KAZN: variants seen among roughly 807,000 people sequenced by gnomAD.
The protein encoded by KAZN is kazrin, periplakin interacting protein.
In KAZN, 40 loss-of-function variants were observed where a neutral mutation model predicts 87.4. That is an observed-to-expected ratio of 0.46 (90% confidence interval 0.36 to 0.60). The LOEUF (loss-of-function observed/expected upper bound fraction) is 0.60. Among genes scored for constraint, KAZN ranks in the 20% least tolerant of loss-of-function variants. The probability of loss-of-function intolerance (pLI) is 0.00; values close to 1 mark genes in which losing one functional copy is unlikely to be tolerated. For missense variants in KAZN, 898 were observed against 1,073.9 expected (o/e 0.84, Z 2.29); for synonymous variants, 466 against 458.3 (o/e 1.02, Z -0.22).
chr1:14,026,809 A>G (rs553787349), intron 1 of KAZN, among the ~76,000 whole-genome samples: 1 of 152,310 alleles, frequency 6.6e-6, no homozygotes, highest in Admixed American at 6.5e-5. Flanking sequence ...CCAGGAGGGA[A>G]GCAGATGAAG....
At chr1:14,325,198 C>T (rs1198860518) in intron 2 of KAZN, among the ~76,000 whole-genome samples, 1 of 152,136 alleles carries the variant, frequency 6.6e-6, no homozygotes, top group African/African-American at 2.4e-5. Context: ...TCTTTTTCAC[C>T]TCGGATATTC....
chr1:14,591,371 G>A (rs965014934), intron 2 of KAZN, among the ~76,000 whole-genome samples: 6 of 151,224 alleles, frequency 4.0e-5, no homozygotes, highest in African/African-American at 1.5e-4. Flanking sequence ...CGAGAACCCA[G>A]GCCAGCACAC....
At chr1:14,240,411 A>C (rs1648836074) in intron 2 of KAZN, among the ~76,000 whole-genome samples, 1 of 152,212 alleles carries the variant, frequency 6.6e-6, no homozygotes, top group East Asian at 1.9e-4. Flanking sequence ...TTGCAGTAGG[A>C]CAGCACCTGG....
chr1:14,485,809 C>T (rs1669321873), intron 2 of KAZN, among the ~76,000 whole-genome samples: 2 of 151,054 alleles, frequency 1.3e-5, no homozygotes, highest in South Asian at 4.2e-4. Flanking sequence ...AGGAGAATCA[C>T]TTGAACCCCA....
chr1:14,245,630 C>T (rs987816053), intron 2 of KAZN, among the ~76,000 whole-genome samples: 2 of 152,146 alleles, frequency 1.3e-5, no homozygotes, highest in Non-Finnish European at 2.9e-5. Context: ...TGTTAGGTCA[C>T]AGTCTATAAG....
At chr1:13,985,657 T>A (rs1427297444) in intron 1 of KAZN, among the ~76,000 whole-genome samples, 1 of 151,926 alleles carries the variant, frequency 6.6e-6, no homozygotes, top group Non-Finnish European at 1.5e-5. Context: ...AAAAACCCTG[T>A]ACCTGTTAAC....
At chr1:14,087,295 G>C (rs371783889) in intron 1 of KAZN, among the ~76,000 whole-genome samples, 1 of 151,970 alleles carries the variant, frequency 6.6e-6, no homozygotes, top group Non-Finnish European at 1.5e-5. Context: ...ACAAATTATT[G>C]TTGTATAGTG....
At chr1:14,427,637 AC>A (rs1557714353) in intron 2 of KAZN, among the ~76,000 whole-genome samples, 10 of 120,292 alleles carry the variant, frequency 8.3e-5, no homozygotes, top group African/African-American at 3.4e-4. Context: ...ATATGTGCAC[AC>A]ATGTTAGTAA....
chr1:14,098,411 A>G (rs1644176566), intron 1 of KAZN, among the ~76,000 whole-genome samples: 1 of 152,124 alleles, frequency 6.6e-6, no homozygotes, highest in African/African-American at 2.4e-5. Flanking sequence ...AGTTGAATTA[A>G]CCTATGCAGC....
chr1:15,099,875 G>A lies in KAZN; in HGVS notation c.1548-1668G>A, dbSNP rs934227071. Among the ~76,000 whole-genome samples, 1 of 152,178 alleles carries A rather than the reference G, an allele frequency of 6.6e-6. No homozygotes were observed. Among genetic ancestry groups the A allele is most frequent in the South Asian group, 2.1e-4 (1 of 4,824 alleles). ...AGCTTAGAGCTGGGAAAGGAGAGAA[G>A]TGGACAGAGGATGCACTGACCAGAG... On this transcript the variant is annotated intron_variant, in intron 10 of 14. Coordinates refer to ENST00000376030, the MANE Select transcript of KAZN (RefSeq NM_201628.3). The surrounding 1 kb of genome is among the most constrained non-coding windows in gnomAD (Gnocchi z 5.4).
intron 1 of KAZN, chr1:14,930,105 C>G (rs12025771): frequency 0.11 from 106,882 of 983,426 alleles, 6,590 homozygotes; most frequent in East Asian, 0.28. Context: ...CTGGCCTAAG[C>G]AGCGGGGAGC....
intron 1 of KAZN, among the ~76,000 whole-genome samples, chr1:14,959,443 G>A (rs1663571409): frequency 6.6e-6 from 1 of 152,098 alleles, no homozygotes; most frequent in Non-Finnish European, 1.5e-5. Context: ...AGAGGATGTA[G>A]GCAGAGGCCT....
chr1:14,411,710 G>A (rs183576111), intron 2 of KAZN, among the ~76,000 whole-genome samples: 1 of 152,208 alleles, frequency 6.6e-6, no homozygotes, highest in Admixed American at 6.5e-5. Flanking sequence ...TGAGGTACAG[G>A]AAGAAATATT....
chr1:14,267,489 T>TA lies in KAZN; in HGVS notation c.249+86900dup, dbSNP rs200808138. On this transcript the variant is annotated intron_variant, in intron 2 of 16. Coordinates refer to the KAZN transcript ENST00000636203. ...GGCCAAGGATTGGACAAGTTTGACT[T>TA]AAAGTACATGGGAGGATGTTCCTTG... Among the ~76,000 whole-genome samples, 574 of 152,246 alleles carry TA rather than the reference T, an allele frequency of 3.8e-3. 9 individuals carry two copies. Among genetic ancestry groups the TA allele is most frequent in the African/African-American group, 0.013 (537 of 41,542 alleles).
chr1:14,908,997 C>A (rs977713316), intron 1 of KAZN, among the ~76,000 whole-genome samples: 4 of 152,090 alleles, frequency 2.6e-5, no homozygotes, highest in African/African-American at 7.2e-5. Flanking sequence ...AAAAAAAGAG[C>A]ATGTGGACTG....
intron 1 of KAZN, among the ~76,000 whole-genome samples, chr1:14,766,940 G>C (rs189432353): frequency 3.9e-4 from 59 of 152,066 alleles, no homozygotes; most frequent in South Asian, 1.9e-3. Flanking sequence ...AAATATATGT[G>C]GTCTAGGGGA....
chr1:14,717,981 C>T (rs935690801), intron 1 of KAZN, among the ~76,000 whole-genome samples: 1 of 152,236 alleles, frequency 6.6e-6, no homozygotes, highest in Non-Finnish European at 1.5e-5. Flanking sequence ...TGGTCAGAGG[C>T]CATCAAGAGG....
chr1:14,954,307 C>T (rs1412201954), intron 1 of KAZN, among the ~76,000 whole-genome samples: 1 of 152,216 alleles, frequency 6.6e-6, no homozygotes, highest in African/African-American at 2.4e-5. Flanking sequence ...GGTTCCCCAG[C>T]GTCAGCAGAA....
At chr1:14,999,361 C>G (rs968477340) in intron 2 of KAZN, among the ~76,000 whole-genome samples, 1 of 152,258 alleles carries the variant, frequency 6.6e-6, no homozygotes, top group Non-Finnish European at 1.5e-5. Context: ...CTAATGCTTC[C>G]TTTGCAGGGC....
Sources: allele counts gnomAD v4.1 joint callset (sites outside exome capture counted in the v4.1 genomes callset), GRCh38; gene constraint gnomAD v4.1.1; non-coding constraint Gnocchi (gnomAD v3.1); transcripts MANE v1.5; gene names NCBI Gene and HGNC (gene_info 2026-07-23, HGNC 2026-07-21).